Variants in CCDC71L observed in about 807,000 individuals in gnomAD.
CCDC71L encodes coiled-coil domain-containing protein 71L.
Under a neutral mutation model 10.2 loss-of-function variants are expected in CCDC71L, and 6 were observed. That is an observed-to-expected ratio of 0.59 (90% CI 0.32 to 1.16). CCDC71L has a LOEUF of 1.16. CCDC71L is among the 50% of genes most tolerant of loss of function. CCDC71L has a pLI of 0.05. For synonymous variants in CCDC71L, 204 were observed against 175.5 expected (o/e 1.16, Z -1.28); for missense variants, 366 against 383.4 (o/e 0.95, Z 0.38).
Position 106,659,130 on chromosome 7 carries a change from AAT to A in CCDC71L, c.*1057_*1058del. On this transcript the variant is annotated 3_prime_UTR_variant, in exon 1 of 1. Transcript: ENST00000523505. ...GTATTCTGTTTATCATTTTAGTGATAATGTTTACACACATCCATCTCTCCTAT... is the reference window on the plus strand; with the variant it reads ...GTATTCTGTTTATCATTTTAGTGATAGTTTACACACATCCATCTCTCCTAT... 3 of 152,314 alleles carry A rather than the reference AAT, an allele frequency of 2.0e-5. No homozygotes were observed. The highest frequency in any genetic ancestry group is 6.8e-3 in the Middle Eastern group (2 of 294). The allele number at this position is 152,314 out of a possible 1,614,324, so 9.4% of individuals were successfully genotyped here. A position where few individuals can be genotyped will look rare whatever the true frequency, so the allele number is the denominator to read the frequency against.
rs1233526750 is a variant in CCDC71L, at chr7:106,660,588, G to A, written c.309C>T (p.Ser103=). 11 of 1,566,272 alleles carry A rather than the reference G, an allele frequency of 7.0e-6. No homozygotes were observed. The highest frequency in any genetic ancestry group is 9.5e-6 in the Non-Finnish European group (11 of 1,157,760). The change falls in exon 1 of 1, where the codon TCC becomes TCT. Residue 103 remains serine, a synonymous_variant. Coordinates refer to ENST00000523505, the MANE Select transcript of CCDC71L (RefSeq NM_175884.6). This position sits in a 1 kb window ranked among gnomAD's most constrained non-coding sequence, Gnocchi z 7.5. ...GGGGGTCGGGTACCAGGGCCCGGCA[G>A]GAGGAGTAGCCGTAGACGTCCTTGC... ...LRSKDVYGYS[S]CRALVPDPPG... is the part of the protein sequence containing the mutation.
rs1792525927 is a variant in CCDC71L, at chr7:106,658,357, ATG to A, written c.*1830_*1831del. On this transcript the variant is annotated 3_prime_UTR_variant, in exon 1 of 1. Coordinates refer to ENST00000523505, the MANE Select transcript of CCDC71L (RefSeq NM_175884.6). The stretch of plus-strand genomic sequence containing the variant: ...AGAAAACTGGCATCAAGTTATATAT[ATG>A]TGTGTATATATATATCATATTATTT... 1 of 152,206 alleles carries A rather than the reference ATG, an allele frequency of 6.6e-6. No homozygotes were observed. Among genetic ancestry groups the A allele is most frequent in the African/African-American group, 2.4e-5 (1 of 41,470 alleles). 9.4% of individuals were successfully genotyped at this position (152,206 alleles called of 1,614,324 possible). A position where few individuals can be genotyped will look rare whatever the true frequency, so the allele number is the denominator to read the frequency against.
rs1348098805 is a variant in CCDC71L, at chr7:106,660,532, C to A, written c.365G>T (p.Arg122Leu). The A allele has an allele frequency of 8.2e-6, 12 of 1,457,208 alleles. No homozygotes were observed. Among genetic ancestry groups the A allele is most frequent in the Non-Finnish European group, 1.0e-5 (11 of 1,100,844 alleles). 90.3% of individuals were successfully genotyped at this position (1,457,208 alleles called of 1,614,324 possible). A position where few individuals can be genotyped will look rare whatever the true frequency, so the allele number is the denominator to read the frequency against. The change falls in exon 1 of 1, where the codon CGC (arginine) becomes CTC (leucine). Residue 122 changes from arginine to leucine, a missense_variant. Coordinates refer to ENST00000523505, the MANE Select transcript of CCDC71L (RefSeq NM_175884.6). The surrounding 1 kb of genome is among the most constrained non-coding windows in gnomAD (Gnocchi z 7.5). ...GGCCGCTGCGCGCGGAACCGGCCGG[C>A]GCGCCTGGCCGCGGGCTGTAGGGGG... ...PGPPTARGQA[R>L]RPVPRAAARR...
rs1309382396 is a variant in CCDC71L at position 106,660,672 on chromosome 7, C to T, written c.225G>A (p.Ala75=). ...PRSTEFMSSD[A]ELWSFLCSLK... ...GGCTGCAGAGGAAGCTCCAGAGCTC[C>T]GCGTCCGAGCTCATGAACTCCGTGC... Residue 75 remains alanine, a synonymous_variant, in exon 1 of 1, where the codon GCG becomes GCA. Transcript: ENST00000523505. The surrounding 1 kb of genome is among the most constrained non-coding windows in gnomAD (Gnocchi z 7.5). 1.4e-5 allele frequency: 22 copies of T among 1,586,254 alleles called. No individual in the cohort carries two copies. Among genetic ancestry groups the T allele is most frequent in the Middle Eastern group, 1.7e-4 (1 of 6,020 alleles).
chr7:106,660,808 C>T lies in CCDC71L; in HGVS notation c.89G>A (p.Gly30Glu), dbSNP rs1393897002. The T allele has an allele frequency of 4.5e-6, 7 of 1,544,220 alleles. No individual in the cohort carries two copies. The highest frequency in any genetic ancestry group is 2.8e-5 in the African/African-American group (2 of 72,090). ...ARGGDFRAED[G>E]AGLEAREEKV... ...CTCCTCCCGCGCCTCCAACCCAGCC[C>T]CGTCTTCTGCCCTAAAGTCGCCGCC... The change falls in exon 1 of 1, where the codon GGG (glycine) becomes GAG (glutamate). Residue 30 changes from glycine (G) to glutamate (E), a missense_variant. Transcript: ENST00000523505. The surrounding 1 kb of genome is among the most constrained non-coding windows in gnomAD (Gnocchi z 7.5).
In CCDC71L at chr7:106,660,043, T is replaced by A. The variant is rs1298409505; in HGVS notation, c.*146A>T. Reference sequence around the variant, plus strand: ...CCGCGGCCCGGGACAGGGACAACCATCCGGCAACTTCTTCGCGCGTAAAGT... The same window carrying A: ...CCGCGGCCCGGGACAGGGACAACCAACCGGCAACTTCTTCGCGCGTAAAGT... On this transcript the variant is annotated 3_prime_UTR_variant, in exon 1 of 1. Coordinates refer to ENST00000523505, the MANE Select transcript of CCDC71L (RefSeq NM_175884.6). The surrounding 1 kb of genome is among the most constrained non-coding windows in gnomAD (Gnocchi z 7.5). The A allele has an allele frequency of 2.6e-6, 3 of 1,145,582 alleles. No homozygotes were observed. The highest frequency in any genetic ancestry group is 1.6e-5 in the African/African-American group (1 of 60,976). The allele number at this position is 1,145,582 out of a possible 1,614,324, so 71.0% of individuals were successfully genotyped here. A position where few individuals can be genotyped will look rare whatever the true frequency, so the allele number is the denominator to read the frequency against.
Position 106,657,687 on chromosome 7 carries a change from C to T in CCDC71L, c.*2502G>A, listed in dbSNP as rs1325360910. ...TGTCACATAGGTTTTTACCAAAGGG[C>T]AAAAATAAAGATTTTTTACATCTTA... On this transcript the variant is annotated 3_prime_UTR_variant, in exon 1 of 1. Coordinates refer to ENST00000523505, the MANE Select transcript of CCDC71L (RefSeq NM_175884.6). 2 of 152,120 alleles carry T rather than the reference C, an allele frequency of 1.3e-5. No homozygotes were observed. The highest frequency in any genetic ancestry group is 4.8e-5 in the African/African-American group (2 of 41,418). 9.4% of individuals were successfully genotyped at this position (152,120 alleles called of 1,614,324 possible).
At position 106,660,976 on chromosome 7, in the gene CCDC71L, G is replaced by T. The variant is rs190907183; in HGVS notation, c.-80C>A. On this transcript the variant is annotated 5_prime_UTR_variant, in exon 1 of 1. Transcript: ENST00000523505. This position sits in a 1 kb window ranked among gnomAD's most constrained non-coding sequence, Gnocchi z 7.5. ...TCCCAGTCCGCGTTGGCTCCGCGGC[G>T]GCGGCTGCTGCTGGCGTCTCTCGCT... The T allele has an allele frequency of 2.8e-5, 36 of 1,295,610 alleles. No individual in the cohort carries two copies. The highest frequency in any genetic ancestry group is 8.4e-5 in the Admixed American group (2 of 23,700). The allele number at this position is 1,295,610 out of a possible 1,614,324, so 80.3% of individuals were successfully genotyped here. A position where few individuals can be genotyped will look rare whatever the true frequency, so the allele number is the denominator to read the frequency against.
chr7:106,660,904 C>A lies in CCDC71L; in HGVS notation c.-8G>T. On this transcript the variant is annotated 5_prime_UTR_variant, in exon 1 of 1. Transcript: ENST00000523505. The surrounding 1 kb of genome is among the most constrained non-coding windows in gnomAD (Gnocchi z 7.5). ...CTTCATACTGCGCCGCATCGAAGGC[C>A]GCTCCGGGCCACTCACGCTCGCCGG... 1 of 1,367,298 alleles carries A rather than the reference C, an allele frequency of 7.3e-7. No individual in the cohort carries two copies. The highest frequency in any genetic ancestry group is 9.4e-7 in the Non-Finnish European group (1 of 1,064,454). 84.7% of individuals were successfully genotyped at this position (1,367,298 alleles called of 1,614,324 possible).
rs527885090 is a variant in CCDC71L, at chr7:106,655,058, T to C, written c.*5131A>G. Among the ~76,000 whole-genome samples, 1 of 152,248 alleles carries C rather than the reference T, an allele frequency of 6.6e-6. No individual in the cohort carries two copies. The highest frequency in any genetic ancestry group is 2.1e-4 in the South Asian group (1 of 4,826). ...CAAATTTTCTGGGCTAAACATAGTG[T>C]TTGGTGTTTTTATGATTATTACTTT... On this transcript the variant is annotated 3_prime_UTR_variant, in exon 1 of 1. Transcript: ENST00000523505.
rs1407216958 is a variant in CCDC71L at position 106,658,873 on chromosome 7, AAT to A, written c.*1314_*1315del. 1 of 152,584 alleles carries A rather than the reference AAT, an allele frequency of 6.6e-6. No homozygotes were observed. 9.5% of individuals were successfully genotyped at this position (152,584 alleles called of 1,614,324 possible). On this transcript the variant is annotated 3_prime_UTR_variant, in exon 1 of 1. Coordinates refer to ENST00000523505, the MANE Select transcript of CCDC71L (RefSeq NM_175884.6). Reference sequence around the variant, plus strand: ...CAAAGACCTAGAACTGCAAACATATAATGAGTGGCAAAAAGGTTAAAAAAAAT... The same window carrying A: ...CAAAGACCTAGAACTGCAAACATATAGAGTGGCAAAAAGGTTAAAAAAAAT...
Position 106,656,929 on chromosome 7 carries a change from A to C in CCDC71L, c.*3260T>G, listed in dbSNP as rs1792501187. ...TTAAGACATAACACTCTATCAAAAA[A>C]TATTTTAAACACACCAATAAATATT... is the stretch of plus-strand genomic sequence containing the variant. On this transcript the variant is annotated 3_prime_UTR_variant, in exon 1 of 1. Coordinates refer to ENST00000523505, the MANE Select transcript of CCDC71L (RefSeq NM_175884.6). The C allele has an allele frequency of 6.6e-6, 1 of 152,234 alleles. No individual in the cohort carries two copies. The highest frequency in any genetic ancestry group is 6.5e-5 in the Admixed American group (1 of 15,284). 9.4% of individuals were successfully genotyped at this position (152,234 alleles called of 1,614,324 possible).
rs1190873223 is a variant in CCDC71L, at chr7:106,657,408, T to A, written c.*2781A>T. On this transcript the variant is annotated 3_prime_UTR_variant, in exon 1 of 1. Coordinates refer to ENST00000523505, the MANE Select transcript of CCDC71L (RefSeq NM_175884.6). The stretch of plus-strand genomic sequence containing the variant: ...GCGAGGTGATGAATTTCCTCCTGGC[T>A]TCCCCCTCTACTTGTGCCATATGAG... 1 of 152,200 alleles carries A rather than the reference T, an allele frequency of 6.6e-6. No individual in the cohort carries two copies. The highest frequency in any genetic ancestry group is 1.5e-5 in the Non-Finnish European group (1 of 68,022). 9.4% of individuals were successfully genotyped at this position (152,200 alleles called of 1,614,324 possible).
Position 106,660,902 on chromosome 7 carries a change from G to T in CCDC71L, c.-6C>A. 3.7e-6 allele frequency: 5 copies of T among 1,367,612 alleles called. No homozygotes were observed. Among genetic ancestry groups the T allele is most frequent in the Non-Finnish European group, 1.9e-6 (2 of 1,064,718 alleles). The allele number at this position is 1,367,612 out of a possible 1,614,324, so 84.7% of individuals were successfully genotyped here. A position where few individuals can be genotyped will look rare whatever the true frequency, so the allele number is the denominator to read the frequency against. On this transcript the variant is annotated 5_prime_UTR_variant, in exon 1 of 1. Coordinates refer to ENST00000523505, the MANE Select transcript of CCDC71L (RefSeq NM_175884.6). This position sits in a 1 kb window ranked among gnomAD's most constrained non-coding sequence, Gnocchi z 7.5. ...CTCTTCATACTGCGCCGCATCGAAG[G>T]CCGCTCCGGGCCACTCACGCTCGCC...
In CCDC71L at chr7:106,660,807, C is replaced by T. The variant is rs1258135838; in HGVS notation, c.90G>A (p.Gly30=). 2 of 1,544,630 alleles carry T rather than the reference C, an allele frequency of 1.3e-6. No homozygotes were observed. Among genetic ancestry groups the T allele is most frequent in the Non-Finnish European group, 1.7e-6 (2 of 1,144,434 alleles). The change falls in exon 1 of 1, where the codon GGG becomes GGA. Residue 30 remains glycine (G), a synonymous_variant. Coordinates refer to ENST00000523505, the MANE Select transcript of CCDC71L (RefSeq NM_175884.6). The surrounding 1 kb of genome is among the most constrained non-coding windows in gnomAD (Gnocchi z 7.5). ...ARGGDFRAED[G]AGLEAREEKV... is the part of the protein sequence containing the mutation. Reference sequence around the variant, plus strand: ...TCTCCTCCCGCGCCTCCAACCCAGCCCCGTCTTCTGCCCTAAAGTCGCCGC... The same window carrying T: ...TCTCCTCCCGCGCCTCCAACCCAGCTCCGTCTTCTGCCCTAAAGTCGCCGC...
In CCDC71L at chr7:106,658,129, A is replaced by G. The variant is rs1792521883; in HGVS notation, c.*2060T>C. On this transcript the variant is annotated 3_prime_UTR_variant, in exon 1 of 1. Coordinates refer to ENST00000523505, the MANE Select transcript of CCDC71L (RefSeq NM_175884.6). ...CTAGTTAGCTATAAAAGTTAACAATATATTTTTGGGAAGAAAACCCTATGC... is the reference window on the plus strand; with the variant it reads ...CTAGTTAGCTATAAAAGTTAACAATGTATTTTTGGGAAGAAAACCCTATGC... 1 of 152,218 alleles carries G rather than the reference A, an allele frequency of 6.6e-6. No individual in the cohort carries two copies. The highest frequency in any genetic ancestry group is 2.1e-4 in the South Asian group (1 of 4,830). The allele number at this position is 152,218 out of a possible 1,614,324, so 9.4% of individuals were successfully genotyped here.
rs1792483349 is a variant in CCDC71L at position 106,655,926 on chromosome 7, G to A, written c.*4263C>T. Among the ~76,000 whole-genome samples the A allele has an allele frequency of 6.6e-6, 1 of 151,996 alleles. No individual in the cohort carries two copies. Among genetic ancestry groups the A allele is most frequent in the East Asian group, 1.9e-4 (1 of 5,194 alleles). ...AAACCTGGAGAGCTAAACTCACAAC[G>A]GACCACTCTCAGCTTATATACCTAT... On this transcript the variant is annotated 3_prime_UTR_variant, in exon 1 of 1. Transcript: ENST00000523505.
chr7:106,660,402 G>T lies in CCDC71L; in HGVS notation c.495C>A (p.Pro165=). 1 of 1,301,214 alleles carries T rather than the reference G, an allele frequency of 7.7e-7. No homozygotes were observed. Among genetic ancestry groups the T allele is most frequent in the Non-Finnish European group, 9.7e-7 (1 of 1,026,012 alleles). The allele number at this position is 1,301,214 out of a possible 1,614,324, so 80.6% of individuals were successfully genotyped here. A position where few individuals can be genotyped will look rare whatever the true frequency, so the allele number is the denominator to read the frequency against. ...PPPEESCPAK[P]VAPGPCFGGR... is the part of the protein sequence containing the mutation. ...CCCCGAAGCAGGGCCCGGGGGCCAC[G>T]GGCTTGGCCGGGCAGCTCTCCTCGG... is the stretch of plus-strand genomic sequence containing the variant. The change falls in exon 1 of 1, where the codon CCC becomes CCA. Residue 165 remains proline (P), a synonymous_variant. Coordinates refer to ENST00000523505, the MANE Select transcript of CCDC71L (RefSeq NM_175884.6). The surrounding 1 kb of genome is among the most constrained non-coding windows in gnomAD (Gnocchi z 7.5).
In CCDC71L at chr7:106,658,068, A is replaced by G. The variant is rs986812054; in HGVS notation, c.*2121T>C. 1 of 152,228 alleles carries G rather than the reference A, an allele frequency of 6.6e-6. No individual in the cohort carries two copies. 9.4% of individuals were successfully genotyped at this position (152,228 alleles called of 1,614,324 possible). A position where few individuals can be genotyped will look rare whatever the true frequency, so the allele number is the denominator to read the frequency against. ...TTTTCATTATTATAAAACTATATAC[A>G]ATAGTAAAGTTGTACAAATACATTT... On this transcript the variant is annotated 3_prime_UTR_variant, in exon 1 of 1. Transcript: ENST00000523505.
Sources: gnomAD v4.1 joint callset for allele counts (sites outside exome capture counted in the v4.1 genomes callset) on GRCh38, gnomAD v4.1.1 for gene constraint, Gnocchi (gnomAD v3.1) non-coding constraint, MANE v1.5 for transcripts, NCBI Gene and HGNC (gene_info 2026-07-23, HGNC 2026-07-21) for gene names.